The following ITPR1 variants were observed in gnomAD, a reference collection of about 807,000 sequenced individuals.
ITPR1 encodes inositol 1,4,5-trisphosphate-gated calcium channel ITPR1.
ITPR1 carries 96 observed loss-of-function variants against 318.4 expected under a neutral mutation model. That is an observed-to-expected ratio of 0.30 (90% CI 0.26 to 0.36). The LOEUF (loss-of-function observed/expected upper bound fraction) is 0.36, where lower values mean the gene tolerates loss of function less well. ITPR1 is among the 10% of genes least tolerant of loss of function. The pLI, the probability that ITPR1 is intolerant of heterozygous loss-of-function variation, is 1.00. For synonymous variants in ITPR1, 1,312 were observed against 1,289.9 expected (o/e 1.02, Z -0.37); for missense variants, 2,440 against 3,460.2 (o/e 0.71, Z 7.40).
At chr3:4,546,362 A>G (rs2124987624) in intron 4 of ITPR1, among the ~76,000 whole-genome samples, 1 of 152,268 alleles carries the variant, frequency 6.6e-6, no homozygotes, top group African/African-American at 2.4e-5. Flanking sequence ...AACTTTGTGA[A>G]GTTGGTGGAT....
At chr3:4,722,487 A>G (rs9311400) in intron 40 of ITPR1, among the ~76,000 whole-genome samples, 50,349 of 151,906 alleles carry the variant, frequency 0.33, 9,683 homozygotes, top group Non-Finnish European at 0.46. Flanking sequence ...ACGTGACAAT[A>G]AAAATATAAT....
intron 21 of ITPR1, 115 bp from the exon 22 acceptor site, chr3:4,674,087 G>A (rs781707554): frequency 2.3e-5 from 17 of 735,272 alleles, no homozygotes; most frequent in Non-Finnish European, 3.7e-5. Context: ...AAATAAAGTA[G>A]GGTCAAGGGA....
chr3:4,604,819 A>G (rs2091583745), intron 4 of ITPR1, among the ~76,000 whole-genome samples: 1 of 152,154 alleles, frequency 6.6e-6, no homozygotes, highest in Non-Finnish European at 1.5e-5. Flanking sequence ...CTTATGTCCA[A>G]AATGCCTATG....
At chr3:4,736,645 C>T (rs144374032) in intron 44 of ITPR1, among the ~76,000 whole-genome samples, 103 of 152,326 alleles carry the variant, frequency 6.8e-4, no homozygotes, top group African/African-American at 2.3e-3. Flanking sequence ...CACGTGGGCA[C>T]GAGTCGTACA....
chr3:4,669,666 C>T lies in ITPR1; in HGVS notation c.1899C>T (p.Tyr633=), dbSNP rs2125206562. 6.2e-7 allele frequency: 1 copy of T among 1,612,228 alleles called. No homozygotes were observed. Among genetic ancestry groups the T allele is most frequent in the Non-Finnish European group, 8.5e-7 (1 of 1,178,826 alleles). ...RKNREPRFLD[Y]LSDLCVSMNK... ...TGTTTCTGTTTAGATTCTTAGATTA[C>T]CTCTCCGACCTCTGTGTCTCCATGA... The change falls in exon 19 of 62, where the codon TAC becomes TAT. Residue 633 remains tyrosine (Y), a synonymous_variant. Coordinates refer to ENST00000649015, the MANE Select transcript of ITPR1 (RefSeq NM_001378452.1).
Position 4,831,243 on chromosome 3 carries a change from T to C in ITPR1, c.8029-5531T>C, listed in dbSNP as rs143783161. ...ACCACCCCCATATCTAAAACTTCAG[T>C]GTTTGCCTTCGCAGGGACTTTTCCA... On this transcript the variant is annotated intron_variant, in intron 60 of 61. Coordinates refer to ENST00000649015, the MANE Select transcript of ITPR1 (RefSeq NM_001378452.1). 419 of 294,264 alleles carry C rather than the reference T, an allele frequency of 1.4e-3. 1 individual carries two copies. The highest frequency in any genetic ancestry group is 7.7e-3 in the African/African-American group (354 of 46,112). The allele number at this position is 294,264 out of a possible 1,614,324, so 18.2% of individuals were successfully genotyped here. A position where few individuals can be genotyped will look rare whatever the true frequency, so the allele number is the denominator to read the frequency against.
intron 4 of ITPR1, among the ~76,000 whole-genome samples, chr3:4,557,429 A>G (rs997755089): frequency 1.3e-5 from 2 of 152,140 alleles, no homozygotes; most frequent in African/African-American, 2.4e-5. Flanking sequence ...GGGAGCTACA[A>G]TTCAAGATGA....
rs917341778 is a variant in ITPR1, at chr3:4,684,995, C to T, written c.3565-74C>T. 392 of 1,489,420 alleles carry T rather than the reference C, an allele frequency of 2.6e-4. 1 individual carries two copies. The highest frequency in any genetic ancestry group is 1.5e-3 in the Middle Eastern group (9 of 5,834). 92.3% of individuals were successfully genotyped at this position (1,489,420 alleles called of 1,614,324 possible). A position where few individuals can be genotyped will look rare whatever the true frequency, so the allele number is the denominator to read the frequency against. ...TTATAATCCCCTTTGCCTCCCTGCC[C>T]GCCACCACCCTCTGCAATCTTTTTC... is the stretch of plus-strand genomic sequence containing the variant. On this transcript the variant is annotated intron_variant, in intron 29 of 61. Transcript: ENST00000649015.
intron 54 of ITPR1, among the ~76,000 whole-genome samples, chr3:4,804,558 G>A (rs1470214506): frequency 1.3e-5 from 2 of 152,136 alleles, no homozygotes; most frequent in Non-Finnish European, 2.9e-5. Context: ...GAAGTTAGAG[G>A]GGAGAATGGA....
In ITPR1 at chr3:4,710,725, A is replaced by C. The variant is rs1170614218; in HGVS notation, c.4991+252A>C. Among the ~76,000 whole-genome samples the C allele has an allele frequency of 2.0e-5, 3 of 152,124 alleles. No homozygotes were observed. Among genetic ancestry groups the C allele is most frequent in the Non-Finnish European group, 4.4e-5 (3 of 68,022 alleles). ...TCTTATTTTCACTGCATGCCCATTC[A>C]TTCATTCATTACAGTGCACCCACCG... is the stretch of plus-strand genomic sequence containing the variant. On this transcript the variant is annotated intron_variant, in intron 38 of 61. Coordinates refer to ENST00000649015, the MANE Select transcript of ITPR1 (RefSeq NM_001378452.1). This position sits in a 1 kb window ranked among gnomAD's most constrained non-coding sequence, Gnocchi z 4.2.
At chr3:4,632,476 A>T (rs780133880) in intron 5 of ITPR1, among the ~76,000 whole-genome samples, 1 of 152,134 alleles carries the variant, frequency 6.6e-6, no homozygotes, top group Admixed American at 6.6e-5. Context: ...GGGCAGCTCT[A>T]CTTCCCTACT....
chr3:4,623,854 T>C (rs1478489499), intron 4 of ITPR1, among the ~76,000 whole-genome samples: 1 of 152,236 alleles, frequency 6.6e-6, no homozygotes, highest in Non-Finnish European at 1.5e-5. Context: ...AGACAGTTGG[T>C]TGTAAATACA....
chr3:4,790,569 C>A (rs1336712190), intron 52 of ITPR1, among the ~76,000 whole-genome samples: 1 of 152,180 alleles, frequency 6.6e-6, no homozygotes, highest in Non-Finnish European at 1.5e-5. Context: ...GAAATGTACT[C>A]ATCGGAAATA....
intron 2 of ITPR1, among the ~76,000 whole-genome samples, chr3:4,509,034 G>A (rs1255590998): frequency 1.3e-5 from 2 of 152,180 alleles, no homozygotes; most frequent in African/African-American, 4.8e-5. Flanking sequence ...GAACAAAAAC[G>A]AATGTTTTCA....
At chr3:4,688,918 T>C (rs1352386839) in intron 31 of ITPR1, among the ~76,000 whole-genome samples, 1 of 152,248 alleles carries the variant, frequency 6.6e-6, no homozygotes, top group East Asian at 1.9e-4. Context: ...ATAGAAGTGC[T>C]AAATGTCTCT....
At chr3:4,683,180 A>T (rs2094332467) in intron 26 of ITPR1, among the ~76,000 whole-genome samples, 1 of 152,234 alleles carries the variant, frequency 6.6e-6, no homozygotes, top group African/African-American at 2.4e-5. Flanking sequence ...ATCTTTTAAT[A>T]TGACATCTTC....
At chr3:4,661,575 T>A (rs1217011284) in intron 14 of ITPR1, among the ~76,000 whole-genome samples, 1 of 152,136 alleles carries the variant, frequency 6.6e-6, no homozygotes, top group Non-Finnish European at 1.5e-5. Context: ...TAAATAGACA[T>A]GGGGGTTTTC....
chr3:4,622,359 T>C (rs9880876), intron 4 of ITPR1, among the ~76,000 whole-genome samples: 93,619 of 150,228 alleles, frequency 0.62, 29,911 homozygotes, highest in South Asian at 0.77. Flanking sequence ...GTGATCCGCC[T>C]GCCTTGGCCT....
At chr3:4,767,348 C>G (rs1372907517) in intron 45 of ITPR1, among the ~76,000 whole-genome samples, 1 of 152,230 alleles carries the variant, frequency 6.6e-6, no homozygotes, top group Non-Finnish European at 1.5e-5. Flanking sequence ...GCAGCATACC[C>G]CTACTCCCAG....
Sources: allele counts gnomAD v4.1 joint callset (sites outside exome capture counted in the v4.1 genomes callset), GRCh38; gene constraint gnomAD v4.1.1; non-coding constraint Gnocchi (gnomAD v3.1); transcripts MANE v1.5; gene names NCBI Gene and HGNC (gene_info 2026-07-23, HGNC 2026-07-21).